Variants in ETFA observed in about 807,000 individuals in gnomAD.
ETFA encodes the protein electron transfer flavoprotein subunit alpha, mitochondrial.
ETFA carries 22 observed loss-of-function variants against 46.2 expected under a neutral mutation model. That is an observed-to-expected ratio of 0.48 (90% CI 0.34 to 0.68). The LOEUF (loss-of-function observed/expected upper bound fraction) is 0.68, where lower values mean the gene tolerates loss of function less well. Among genes scored for constraint, ETFA ranks in the 30% least tolerant of loss-of-function variants. The pLI, the probability that ETFA is intolerant of heterozygous loss-of-function variation, is 0.01. For synonymous variants in ETFA, 131 were observed against 139.9 expected (o/e 0.94, Z 0.45); for missense variants, 345 against 401.1 (o/e 0.86, Z 1.19).
intron 10 of ETFA, chr15:76,228,698 CCTTA>C (rs1309746560): frequency 1.3e-5 from 2 of 152,858 alleles, no homozygotes; most frequent in African/African-American, 4.9e-5. Context: ...AGTTCTTCCT[CCTTA>C]CTAAGCTTTG....
intron 11 of ETFA, among the ~76,000 whole-genome samples, chr15:76,220,451 T>C (rs1401757458): frequency 1.3e-5 from 2 of 152,230 alleles, no homozygotes; most frequent in Non-Finnish European, 2.9e-5. Flanking sequence ...TTTAAAACTT[T>C]ATTTTAAAAC....
intron 1 of ETFA, among the ~76,000 whole-genome samples, chr15:76,300,644 T>C (rs1050746456): frequency 1.3e-5 from 2 of 152,200 alleles, no homozygotes; most frequent in Non-Finnish European, 2.9e-5. Flanking sequence ...AAATCTAACA[T>C]GTTATTCTCC....
At chr15:76,287,812 A>G (rs2039716761) in intron 5 of ETFA, 34 bp downstream of exon 5, 1 of 1,362,652 alleles carries the variant, frequency 7.3e-7, no homozygotes, top group African/African-American at 1.4e-5. Flanking sequence ...CTAAAATTTA[A>G]CATGTTGATT....
intron 11 of ETFA, among the ~76,000 whole-genome samples, chr15:76,219,879 T>A (rs780870408): frequency 2.0e-5 from 3 of 152,208 alleles, no homozygotes; most frequent in Non-Finnish European, 4.4e-5. Flanking sequence ...GTACTGCTGG[T>A]GGAAACGTAA....
intron 11 of ETFA, among the ~76,000 whole-genome samples, chr15:76,218,747 C>A (rs1198823981): frequency 6.6e-6 from 1 of 152,160 alleles, no homozygotes; most frequent in African/African-American, 2.4e-5. Context: ...CAATAAAAGT[C>A]ACTTAAGTTT....
intron 9 of ETFA, among the ~76,000 whole-genome samples, chr15:76,240,205 T>C (rs1448867374): frequency 6.6e-6 from 1 of 152,178 alleles, no homozygotes; most frequent in Non-Finnish European, 1.5e-5. Flanking sequence ...AGCCAGAAAA[T>C]GCATTTGGAA....
intron 9 of ETFA, among the ~76,000 whole-genome samples, chr15:76,266,823 G>A (rs776111384): frequency 5.9e-5 from 9 of 151,872 alleles, no homozygotes; most frequent in Non-Finnish European, 8.8e-5. Flanking sequence ...AGAATGGCGT[G>A]AACCTGGGAG....
chr15:76,311,217 C>T, intron 1 of ETFA, 133 bp downstream of exon 1: 1 of 1,071,160 alleles, frequency 9.3e-7, no homozygotes, highest in Non-Finnish European at 1.4e-6. Flanking sequence ...GGACCCAAGT[C>T]CCAGGCGGGG....
rs546406172 is a variant in ETFA at position 76,243,576 on chromosome 15, T to A, written c.817-12178A>T. Among the ~76,000 whole-genome samples the A allele has an allele frequency of 2.1e-3, 323 of 152,064 alleles. 1 individual carries two copies. Among genetic ancestry groups the A allele is most frequent in the Non-Finnish European group, 3.5e-3 (238 of 67,964 alleles). ...ACTTTGGGAGGCCGAGGCGGGTGGA[T>A]CACAACGAGGTCAGGAGTTTGAGAC... On this transcript the variant is annotated intron_variant, in intron 9 of 11. Coordinates refer to ENST00000557943, the MANE Select transcript of ETFA (RefSeq NM_000126.4).
At chr15:76,280,471 C>A (rs1811859797) in intron 8 of ETFA, among the ~76,000 whole-genome samples, 1 of 152,148 alleles carries the variant, frequency 6.6e-6, no homozygotes, top group Non-Finnish European at 1.5e-5. Context: ...ACTGCAACTA[C>A]CCTGGTCCAA....
chr15:76,275,352 TC>T (rs1241799229), intron 8 of ETFA, among the ~76,000 whole-genome samples: 12 of 152,338 alleles, frequency 7.9e-5, no homozygotes, highest in African/African-American at 2.9e-4. Flanking sequence ...GTATTAAAAC[TC>T]AGGTTTTATT....
At chr15:76,295,444 C>T in intron 2 of ETFA, 147 bp downstream of exon 2, 2 of 730,132 alleles carry the variant, frequency 2.7e-6, no homozygotes, top group East Asian at 2.5e-5. Flanking sequence ...TCCTTTTTCA[C>T]ACATGGTAAT....
At chr15:76,219,037 T>A (rs1220598187) in intron 11 of ETFA, among the ~76,000 whole-genome samples, 1 of 152,048 alleles carries the variant, frequency 6.6e-6, no homozygotes, top group African/African-American at 2.4e-5. Flanking sequence ...TCAGTGTGGA[T>A]TAGGAAAATT....
chr15:76,275,552 T>C (rs1353710316), intron 8 of ETFA, among the ~76,000 whole-genome samples: 2 of 152,240 alleles, frequency 1.3e-5, no homozygotes, highest in African/African-American at 4.8e-5. Context: ...TCATCCACTA[T>C]GACAATCTTT....
chr15:76,306,051 T>C (rs1243019294), intron 1 of ETFA, among the ~76,000 whole-genome samples: 2 of 151,896 alleles, frequency 1.3e-5, no homozygotes, highest in East Asian at 1.9e-4. Flanking sequence ...TTGTCAGTTT[T>C]TTAGAGTTCT....
At chr15:76,226,795 C>A (rs11631690) in intron 10 of ETFA, among the ~76,000 whole-genome samples, 1 of 151,882 alleles carries the variant, frequency 6.6e-6, no homozygotes, top group African/African-American at 2.4e-5. Flanking sequence ...AGGAGAATGG[C>A]GTGAACCCAG....
At chr15:76,248,029 C>T (rs1198927566) in intron 9 of ETFA, among the ~76,000 whole-genome samples, 2 of 152,066 alleles carry the variant, frequency 1.3e-5, no homozygotes, top group African/African-American at 2.4e-5. Flanking sequence ...CCTACATTTC[C>T]GATCAATATT....
chr15:76,246,244 T>C (rs1213192801), intron 9 of ETFA, among the ~76,000 whole-genome samples: 2 of 152,188 alleles, frequency 1.3e-5, no homozygotes, highest in African/African-American at 2.4e-5. Context: ...CATTGTATAG[T>C]TGAGAAAACT....
chr15:76,220,388 G>A (rs1184078539), intron 11 of ETFA, among the ~76,000 whole-genome samples: 1 of 152,142 alleles, frequency 6.6e-6, no homozygotes, highest in Non-Finnish European at 1.5e-5. Context: ...TTAGATATGA[G>A]ACTTCAAGCA....
Sources: allele counts gnomAD v4.1 joint callset (sites outside exome capture counted in the v4.1 genomes callset), GRCh38; gene constraint gnomAD v4.1.1; transcripts MANE v1.5; gene names NCBI Gene and HGNC (gene_info 2026-07-23, HGNC 2026-07-21).